Variants in CNTNAP2 observed in about 807,000 individuals in gnomAD.
The protein encoded by CNTNAP2 is contactin-associated protein-like 2.
A neutral mutation model predicts 155.2 loss-of-function variants in CNTNAP2; 98 were observed. The observed-to-expected ratio is 0.63, with a 90% CI of 0.54 to 0.75. The LOEUF (loss-of-function observed/expected upper bound fraction) is 0.75, where lower values mean the gene tolerates loss of function less well. Among genes scored for constraint, CNTNAP2 ranks in the 30% least tolerant of loss-of-function variants. The pLI, the probability that CNTNAP2 is intolerant of heterozygous loss-of-function variation, is 0.00. For missense variants in CNTNAP2, 1,727 were observed against 1,688.1 expected (o/e 1.02, Z -0.40); for synonymous variants, 651 against 631.2 (o/e 1.03, Z -0.47).
intron 13 of CNTNAP2, among the ~76,000 whole-genome samples, chr7:147,784,565 G>A (rs1797710083): frequency 9.0e-6 from 1 of 110,688 alleles, no homozygotes; most frequent in Admixed American, 1.0e-4. Flanking sequence ...TTTTTTGAGT[G>A]CAAAGAGCTT....
chr7:148,095,718 A>G (rs972903024), intron 15 of CNTNAP2, among the ~76,000 whole-genome samples: 1 of 152,202 alleles, frequency 6.6e-6, no homozygotes, highest in African/African-American at 2.4e-5. Context: ...ACCATCGGGG[A>G]AAAATAATAT....
At chr7:148,151,027 A>G (rs575814361) in intron 17 of CNTNAP2, among the ~76,000 whole-genome samples, 1 of 151,924 alleles carries the variant, frequency 6.6e-6, no homozygotes, top group Non-Finnish European at 1.5e-5. Context: ...GCCTCTTCCA[A>G]TATTAGACAT....
chr7:146,362,960 G>A (rs1354598881), intron 1 of CNTNAP2, among the ~76,000 whole-genome samples: 1 of 151,692 alleles, frequency 6.6e-6, no homozygotes, highest in Non-Finnish European at 1.5e-5. Flanking sequence ...TAGTAGAGAT[G>A]GGGTTTCACC....
intron 9 of CNTNAP2, among the ~76,000 whole-genome samples, chr7:147,370,149 G>A (rs1796317055): frequency 6.6e-6 from 1 of 152,160 alleles, no homozygotes; most frequent in African/African-American, 2.4e-5. Context: ...ATGAGAGTGT[G>A]TGCGATTTGC....
At chr7:146,524,984 A>T (rs955832225) in intron 1 of CNTNAP2, among the ~76,000 whole-genome samples, 1 of 152,170 alleles carries the variant, frequency 6.6e-6, no homozygotes, top group Non-Finnish European at 1.5e-5. Context: ...AGCCTGCCAT[A>T]AAATTGTGAA....
rs181464949 is a variant in CNTNAP2 at position 146,985,241 on chromosome 7, T to G, written c.403-58666T>G. ...CAGTTCATTACATCAAAAAAAATAT[T>G]AATGGTGAGATGTCTGACACTGACA... On this transcript the variant is annotated intron_variant, in intron 3 of 23. Coordinates refer to ENST00000361727, the MANE Select transcript of CNTNAP2 (RefSeq NM_014141.6). Among the ~76,000 whole-genome samples, 40 of 151,992 alleles carry G rather than the reference T, an allele frequency of 2.6e-4. No individual in the cohort carries two copies. In the East Asian group the frequency reaches 7.7e-3, roughly 29 times the overall value.
intron 1 of CNTNAP2, among the ~76,000 whole-genome samples, chr7:146,248,573 G>C (rs936887834): frequency 5.9e-5 from 9 of 152,278 alleles, no homozygotes; most frequent in Admixed American, 1.3e-4. Flanking sequence ...ATTAAAAGAA[G>C]GGAGAGATTG....
intron 8 of CNTNAP2, among the ~76,000 whole-genome samples, chr7:147,238,250 C>T (rs1184693998): frequency 6.6e-6 from 1 of 152,126 alleles, no homozygotes; most frequent in Non-Finnish European, 1.5e-5. Flanking sequence ...CTCCTGACCT[C>T]GTGATCCGCC....
intron 8 of CNTNAP2, among the ~76,000 whole-genome samples, chr7:147,225,890 GGAAGGAAGGAAGGAAA>G (rs1294096764): frequency 3.6e-4 from 39 of 109,628 alleles, no homozygotes; most frequent in Non-Finnish European, 5.6e-4. Context: ...AAGGAAGGAA[GGAAGGAAGGAAGGAAA>G]GAAGGAAGGA....
chr7:148,256,531 C>T (rs1796456559), intron 20 of CNTNAP2, among the ~76,000 whole-genome samples: 1 of 152,132 alleles, frequency 6.6e-6, no homozygotes, highest in African/African-American at 2.4e-5. Flanking sequence ...AGTCTAGAAG[C>T]TGGTTTGCAA....
At chr7:146,964,497 G>A (rs771454109) in intron 3 of CNTNAP2, among the ~76,000 whole-genome samples, 4 of 152,106 alleles carry the variant, frequency 2.6e-5, no homozygotes, top group South Asian at 4.2e-4. Flanking sequence ...TGCAGTGTTG[G>A]ATATCTTCCA....
At chr7:147,694,528 A>G (rs1796134802) in intron 13 of CNTNAP2, among the ~76,000 whole-genome samples, 1 of 152,190 alleles carries the variant, frequency 6.6e-6, no homozygotes, top group African/African-American at 2.4e-5. Flanking sequence ...TTTAATAGAT[A>G]CAGGCCTATT....
At chr7:147,241,476 A>G (rs1360356816) in intron 8 of CNTNAP2, among the ~76,000 whole-genome samples, 2 of 151,828 alleles carry the variant, frequency 1.3e-5, no homozygotes, top group Non-Finnish European at 2.9e-5. Flanking sequence ...AAAAATACAA[A>G]AATTACCTGG....
At chr7:146,682,773 A>G (rs1309415876) in intron 1 of CNTNAP2, among the ~76,000 whole-genome samples, 1 of 152,372 alleles carries the variant, frequency 6.6e-6, no homozygotes, top group East Asian at 1.9e-4. Context: ...AAGCAGAAAT[A>G]CATTATGCAT....
At chr7:147,515,680 G>A (rs192602452) in intron 11 of CNTNAP2, among the ~76,000 whole-genome samples, 14 of 152,040 alleles carry the variant, frequency 9.2e-5, no homozygotes, top group East Asian at 1.9e-4. Flanking sequence ...CCTGTCTCCC[G>A]CAATTAGAAT....
At chr7:146,581,171 A>G (rs1350159186) in intron 1 of CNTNAP2, among the ~76,000 whole-genome samples, 1 of 152,098 alleles carries the variant, frequency 6.6e-6, no homozygotes, top group East Asian at 1.9e-4. Flanking sequence ...ATCTAGACTC[A>G]TCTTCAGAAT....
In CNTNAP2 at chr7:148,099,575, C is replaced by G. The variant is rs77534766; in HGVS notation, c.2384-18543C>G. On this transcript the variant is annotated intron_variant, in intron 15 of 23. Coordinates refer to ENST00000361727, the MANE Select transcript of CNTNAP2 (RefSeq NM_014141.6). ...AGTATAAATGAGAAGGTCCCCTTTTCCCCCAATGGCTGCAGTGTTGGTCTA... is the reference window on the plus strand; with the variant it reads ...AGTATAAATGAGAAGGTCCCCTTTTGCCCCAATGGCTGCAGTGTTGGTCTA... 0.023 allele frequency among the ~76,000 whole-genome samples: 3,526 copies of G among 151,934 alleles called. 256 individuals carry two copies. In the East Asian group the frequency reaches 0.27, roughly 12 times the overall value.
rs1352647975 is a variant in CNTNAP2, at chr7:148,379,116, C to G, written c.3476-4533C>G. On this transcript the variant is annotated intron_variant, in intron 21 of 23. Coordinates refer to ENST00000361727, the MANE Select transcript of CNTNAP2 (RefSeq NM_014141.6). ...GGTGACTTCCACAATCCCTAGCACA[C>G]TGGGGAGCACACAGTACATACTTAT... Among the ~76,000 whole-genome samples, 2 of 54,304 alleles carry G rather than the reference C, an allele frequency of 3.7e-5. 1 individual carries two copies. Among genetic ancestry groups the G allele is most frequent in the African/African-American group, 8.7e-5 (2 of 23,058 alleles). The allele number at this position is 54,304 out of a possible 152,430, so 35.6% of individuals were successfully genotyped here.
chr7:148,080,467 G>A lies in CNTNAP2; in HGVS notation c.2384-37651G>A, dbSNP rs144244809. 9.7e-3 allele frequency among the ~76,000 whole-genome samples: 1,467 copies of A among 151,840 alleles called. 25 individuals are homozygous for A. The highest frequency in any genetic ancestry group is 0.033 in the African/African-American group (1,349 of 41,394). On this transcript the variant is annotated intron_variant, in intron 15 of 23. Coordinates refer to ENST00000361727, the MANE Select transcript of CNTNAP2 (RefSeq NM_014141.6). ...AAAAATACAACAAAATTAGCCTGGCGTGGTGGCGGCGCCTGTAGTCCCAGC... is the reference window on the plus strand; with the variant it reads ...AAAAATACAACAAAATTAGCCTGGCATGGTGGCGGCGCCTGTAGTCCCAGC...
Sources: allele counts gnomAD v4.1 joint callset (sites outside exome capture counted in the v4.1 genomes callset), GRCh38; gene constraint gnomAD v4.1.1; transcripts MANE v1.5; gene names NCBI Gene and HGNC (gene_info 2026-07-23, HGNC 2026-07-21).